The following MRPS18C variants were observed in gnomAD, a reference collection of about 807,000 sequenced individuals.
The protein encoded by MRPS18C is mitochondrial ribosomal protein S18C.
MRPS18C carries 21 observed loss-of-function variants against 21.0 expected under a neutral mutation model. That is an observed-to-expected ratio of 1.00 (90% CI 0.71 to 1.44). The LOEUF (loss-of-function observed/expected upper bound fraction) is 1.44, where lower values mean the gene tolerates loss of function less well. Ranked by LOEUF, MRPS18C falls within the 40% of genes most tolerant of loss-of-function variation. MRPS18C has a pLI of 0.00. For missense variants in MRPS18C, 152 were observed against 171.5 expected (o/e 0.89, Z 0.64); for synonymous variants, 65 against 54.3 (o/e 1.20, Z -0.87).
intron 4 of MRPS18C, 63 bp downstream of exon 4, chr4:83,459,860 C>A: frequency 1.4e-6 from 2 of 1,401,818 alleles, no homozygotes; most frequent in Non-Finnish European, 2.0e-6. Flanking sequence ...CTATTTCTAT[C>A]ATTTAAGAAA....
At chr4:83,456,800 T>C in intron 1 of MRPS18C, 109 bp from the exon 2 acceptor site, 1 of 1,083,032 alleles carries the variant, frequency 9.2e-7, no homozygotes, top group South Asian at 1.4e-5. Context: ...TACAAAACCT[T>C]TCTTTAATAT....
At chr4:83,457,063 C>T (rs1721870914) in intron 2 of MRPS18C, 105 bp downstream of exon 2, 1 of 930,736 alleles carries the variant, frequency 1.1e-6, no homozygotes, top group Non-Finnish European at 1.7e-6. Flanking sequence ...TTTATTTTAG[C>T]TACTTGAATA....
In MRPS18C at chr4:83,461,513, G is replaced by A. The variant is rs184785302; in HGVS notation, c.*316G>A. On this transcript the variant is annotated 3_prime_UTR_variant, in exon 6 of 6. Transcript: ENST00000295491. ...ATGATTTTCCAACTAGCAAATATAA[G>A]TATGCCTGGTTAAGATATCTTCCCT... 2.4e-5 allele frequency: 8 copies of A among 332,160 alleles called. No individual in the cohort carries two copies. The East Asian group carries it at 3.6e-4, about 15-fold the overall frequency. 20.6% of individuals were successfully genotyped at this position (332,160 alleles called of 1,614,324 possible). A position where few individuals can be genotyped will look rare whatever the true frequency, so the allele number is the denominator to read the frequency against.
chr4:83,456,465 C>G (rs950537992), intron 1 of MRPS18C, among the ~76,000 whole-genome samples: 1 of 151,948 alleles, frequency 6.6e-6, no homozygotes, highest in Non-Finnish European at 1.5e-5. Context: ...AGTCGCCCAG[C>G]AGCAAATTCC....
intron 2 of MRPS18C, 31 bp from the exon 3 acceptor site, chr4:83,458,315 C>A: frequency 7.1e-7 from 1 of 1,409,080 alleles, no homozygotes; most frequent in South Asian, 1.2e-5. Flanking sequence ...TTAACACATC[C>A]TATTATCAGA....
intron 2 of MRPS18C, chr4:83,457,213 T>G (rs79314225): frequency 4.4e-4 from 154 of 351,078 alleles, no homozygotes; most frequent in Admixed American, 9.4e-4. Flanking sequence ...TAATACCATA[T>G]TTTTCTTCCT....
intron 2 of MRPS18C, 169 bp from the exon 3 acceptor site, chr4:83,458,177 T>A (rs553521559): frequency 1.9e-6 from 1 of 519,542 alleles, no homozygotes; most frequent in African/African-American, 2.0e-5. Flanking sequence ...AATCTTCCCA[T>A]GCGTTAATCC....
At position 83,458,412 on chromosome 4, in the gene MRPS18C, G is replaced by C; in HGVS notation, c.217G>C (p.Asp73His). Residue 73 changes from aspartate (D) to histidine (H), a missense_variant, in exon 3 of 6, where the codon GAT becomes CAT. Physicochemically the swap from Asp to His is moderately conservative, Grantham distance 81. This residue lies in a region of MRPS18C where 118 missense variants were observed against 104.4 expected (regional missense o/e 1.13). Transcript: ENST00000295491. Reference sequence around the variant, plus strand: ...ATGTATCTTGTGTGGAAAGCATGTAGATTATAAGAATGTACAGGTGAGATC... The same window carrying C: ...ATGTATCTTGTGTGGAAAGCATGTACATTATAAGAATGTACAGGTGAGATC... ...KKCILCGKHVDYKNVQLLSQF... is the reference protein window; with the variant it reads ...KKCILCGKHVHYKNVQLLSQF... The C allele has an allele frequency of 6.3e-7, 1 of 1,594,184 alleles. No individual in the cohort carries two copies. The highest frequency in any genetic ancestry group is 8.6e-7 in the Non-Finnish European group (1 of 1,164,008).
In MRPS18C at chr4:83,456,924, G is replaced by A. The variant is rs1175285946; in HGVS notation, c.116G>A (p.Gly39Asp). The A allele has an allele frequency of 6.2e-7, 1 of 1,612,466 alleles. No homozygotes were observed. Among genetic ancestry groups the A allele is most frequent in the Middle Eastern group, 2.0e-4 (1 of 5,040 alleles). The change falls in exon 2 of 6, where the codon GGT (glycine) becomes GAT (aspartate). Residue 39 changes from glycine (G) to aspartate (D), a missense_variant. By Grantham distance (94) the Gly-to-Asp change is moderately conservative. Coordinates refer to ENST00000295491, the MANE Select transcript of MRPS18C (RefSeq NM_016067.4). ...PGTHTVLWRRGCSQQVSSNED... is the reference protein window; with the variant it reads ...PGTHTVLWRRDCSQQVSSNED... Reference sequence around the variant, plus strand: ...TTAATCGCAGTGCTTTGGAGAAGAGGTTGTTCACAACAGGTATCCAGCAAT... The same window carrying A: ...TTAATCGCAGTGCTTTGGAGAAGAGATTGTTCACAACAGGTATCCAGCAAT...
chr4:83,457,329 C>T (rs17006844), intron 2 of MRPS18C: 18,885 of 182,274 alleles, frequency 0.1, 3,776 homozygotes, highest in African/African-American at 0.42. Context: ...TTTGGGTGAG[C>T]AGAATTTTAG....
chr4:83,460,693 C>T, intron 4 of MRPS18C: 1 of 333,124 alleles, frequency 3.0e-6, no homozygotes, highest in Non-Finnish European at 5.6e-6. Flanking sequence ...CACCTGAGGC[C>T]AGGAGTTCAG....
chr4:83,456,262 A>G, intron 1 of MRPS18C, 85 bp downstream of exon 1: 1 of 818,000 alleles, frequency 1.2e-6, no homozygotes, highest in Non-Finnish European at 2.0e-6. Context: ...CTGTTAGCAA[A>G]ACGACTCTGG....
intron 3 of MRPS18C, 52 bp downstream of exon 3, chr4:83,458,481 C>T (rs776361347): frequency 7.3e-7 from 1 of 1,364,924 alleles, no homozygotes; most frequent in Non-Finnish European, 1.0e-6. Flanking sequence ...TCTGATAGAT[C>T]TGCTTAAAGA....
intron 4 of MRPS18C, chr4:83,460,762 C>T (rs1390252634): frequency 5.5e-5 from 27 of 488,702 alleles, no homozygotes; most frequent in Non-Finnish European, 6.3e-5. Context: ...AAAAATTATC[C>T]GGGTGTGGCG....
chr4:83,459,144 CAAAAAAAAAAAAAA>C (rs59202184), intron 3 of MRPS18C: 1 of 48,134 alleles, frequency 2.1e-5, no homozygotes, highest in South Asian at 8.4e-4. Context: ...AAAACTCTGT[CAAAAAAAAAAAAAA>C]AAAAAAAAAA....
At chr4:83,456,619 G>T (rs1410148099) in intron 1 of MRPS18C, among the ~76,000 whole-genome samples, 1 of 151,974 alleles carries the variant, frequency 6.6e-6, no homozygotes, top group Non-Finnish European at 1.5e-5. Flanking sequence ...TCTCCTATAA[G>T]AATTTGCATT....
intron 2 of MRPS18C, 121 bp downstream of exon 2, chr4:83,457,079 C>A: frequency 2.6e-6 from 2 of 778,370 alleles, no homozygotes; most frequent in East Asian, 2.6e-5. Context: ...GAATAGAGTT[C>A]TGCCGTAGGA....
chr4:83,461,362 T>C lies in MRPS18C; in HGVS notation c.*165T>C, dbSNP rs1168188156. ...CATTAAGCAGATTGCTTATTTAAAA[T>C]GTTAACACTCATCACATTTTATCTA... is the stretch of plus-strand genomic sequence containing the variant. On this transcript the variant is annotated 3_prime_UTR_variant, in exon 6 of 6. Coordinates refer to ENST00000295491, the MANE Select transcript of MRPS18C (RefSeq NM_016067.4). 1 of 597,222 alleles carries C rather than the reference T, an allele frequency of 1.7e-6. No individual in the cohort carries two copies. Among genetic ancestry groups the C allele is most frequent in the African/African-American group, 1.9e-5 (1 of 53,856 alleles). 37.0% of individuals were successfully genotyped at this position (597,222 alleles called of 1,614,324 possible).
chr4:83,457,026 G>A (rs887218676), intron 2 of MRPS18C, 68 bp downstream of exon 2: 46 of 1,353,668 alleles, frequency 3.4e-5, no homozygotes, highest in African/African-American at 7.3e-5. Context: ...TTTTTAAAAC[G>A]AGATCTGGTA....
Sources: allele counts gnomAD v4.1 joint callset (sites outside exome capture counted in the v4.1 genomes callset), GRCh38; gene constraint gnomAD v4.1.1; regional missense constraint gnomAD v4.1.1; transcripts MANE v1.5; gene names NCBI Gene and HGNC (gene_info 2026-07-23, HGNC 2026-07-21).